The following CNTN3 variants were observed in gnomAD, a reference collection of about 807,000 sequenced individuals.
The protein encoded by CNTN3 is contactin-3.
A neutral mutation model predicts 119.1 loss-of-function variants in CNTN3; 60 were observed. That is an observed-to-expected ratio of 0.50 (90% CI 0.41 to 0.62). The LOEUF (loss-of-function observed/expected upper bound fraction) is 0.62, where lower values mean the gene tolerates loss of function less well. Ranked by LOEUF, CNTN3 falls within the 20% of genes least tolerant of loss-of-function variation. The pLI is 0.00. For missense variants in CNTN3, 1,101 were observed against 1,242.4 expected, an observed-to-expected ratio of 0.89 and a Z score of 1.71; for synonymous variants, 450 against 438.7, an observed-to-expected ratio of 1.03 and a Z score of -0.32.
chr3:74,376,553 G>C (rs1197037447), intron 5 of CNTN3, among the ~76,000 whole-genome samples: 1 of 152,124 alleles, frequency 6.6e-6, no homozygotes, highest in African/African-American at 2.4e-5. Flanking sequence ...TCCAGTTGCA[G>C]GAAAACAAGC....
At chr3:74,586,832 T>C (rs572380324) in intron 1 of CNTN3, among the ~76,000 whole-genome samples, 1 of 152,126 alleles carries the variant, frequency 6.6e-6, no homozygotes, top group Non-Finnish European at 1.5e-5. Context: ...ACCCAGAACA[T>C]ACCAAAAAAA....
chr3:74,363,523 C>A (rs1416035726), intron 10 of CNTN3, among the ~76,000 whole-genome samples: 2 of 152,114 alleles, frequency 1.3e-5, no homozygotes, highest in Admixed American at 6.6e-5. Flanking sequence ...TTGAGAAACA[C>A]TGACTTAAAT....
In CNTN3 at chr3:74,512,301, G is replaced by A. The variant is rs184015173; in HGVS notation, c.55+8757C>T. 8.3e-4 allele frequency among the ~76,000 whole-genome samples: 126 copies of A among 152,196 alleles called. 2 individuals carry two copies. Among genetic ancestry groups the A allele is most frequent in the African/African-American group, 2.8e-3 (116 of 41,544 alleles). On this transcript the variant is annotated intron_variant, in intron 2 of 22. Transcript: ENST00000263665. ...TGGAATTGTCGTTATCTTCATGGTA[G>A]TTGTGAATACTGGTACCTGTGTTCA...
chr3:74,490,478 T>G (rs1207224683), intron 3 of CNTN3, among the ~76,000 whole-genome samples: 1 of 152,118 alleles, frequency 6.6e-6, no homozygotes, highest in Non-Finnish European at 1.5e-5. Context: ...TGAAGAATAA[T>G]CAAGGTACAG....
chr3:74,605,693 G>C (rs906878542), intron 1 of CNTN3, among the ~76,000 whole-genome samples: 8 of 144,694 alleles, frequency 5.5e-5, no homozygotes, highest in Non-Finnish European at 1.1e-4. Context: ...TGTGTGACCT[G>C]TGTTTCTCAA....
intron 5 of CNTN3, among the ~76,000 whole-genome samples, chr3:74,374,438 T>C (rs747854028): frequency 2.0e-5 from 3 of 152,118 alleles, no homozygotes; most frequent in Non-Finnish European, 2.9e-5. Context: ...TCCTCCCTGT[T>C]GAATTCTGAA....
chr3:74,274,407 C>A (rs1025848606), intron 20 of CNTN3, among the ~76,000 whole-genome samples: 4 of 152,118 alleles, frequency 2.6e-5, no homozygotes, highest in African/African-American at 9.7e-5. Flanking sequence ...CATTTCACAG[C>A]CCCGCCACCT....
rs937327838 is a variant in CNTN3, at chr3:74,450,159, A to C, written c.359-25219T>G. Among the ~76,000 whole-genome samples the C allele has an allele frequency of 2.4e-4, 37 of 152,154 alleles. 1 individual carries two copies. Among genetic ancestry groups the C allele is most frequent in the African/African-American group, 8.4e-4 (35 of 41,464 alleles). On this transcript the variant is annotated intron_variant, in intron 4 of 22. Transcript: ENST00000263665. Reference sequence around the variant, plus strand: ...CAATAAATGGTAGCTATATTTCTTTAGTAGGAAAGAATTTATATTCTGCAT... The same window carrying C: ...CAATAAATGGTAGCTATATTTCTTTCGTAGGAAAGAATTTATATTCTGCAT...
Position 74,301,436 on chromosome 3 carries a change from G to A in CNTN3, c.2057C>T (p.Pro686Leu). 1.9e-6 allele frequency: 3 copies of A among 1,613,902 alleles called. No individual in the cohort carries two copies. Among genetic ancestry groups the A allele is most frequent in the Non-Finnish European group, 8.5e-7 (1 of 1,179,946 alleles). The change falls in exon 16 of 23, where the codon CCA becomes CTA. Residue 686 changes from proline to leucine, a missense_variant. Physicochemically the swap from Pro to Leu is moderately conservative, Grantham distance 98 (BLOSUM62 -3). Coordinates refer to ENST00000263665, the MANE Select transcript of CNTN3 (RefSeq NM_020872.3). ...VASNKIGGGEPSLPSEKVRTE... is the reference protein window; with the variant it reads ...VASNKIGGGELSLPSEKVRTE... ...TCTTACTTTTTCTGAGGGTAAACTTGGTTCTCCACCTCCAATTTTGTTACT... is the reference window on the plus strand; with the variant it reads ...TCTTACTTTTTCTGAGGGTAAACTTAGTTCTCCACCTCCAATTTTGTTACT...
At chr3:74,394,468 G>A (rs76230740) in intron 5 of CNTN3, among the ~76,000 whole-genome samples, 2,574 of 152,188 alleles carry the variant, frequency 0.017, 65 homozygotes, top group African/African-American at 0.059. Context: ...CATCAAGGGT[G>A]TACATTTTAT....
At chr3:74,550,142 A>G (rs1378751108) in intron 1 of CNTN3, among the ~76,000 whole-genome samples, 1 of 152,192 alleles carries the variant, frequency 6.6e-6, no homozygotes, top group Non-Finnish European at 1.5e-5. Context: ...CTAGCTGCAC[A>G]TGTGGGTTCA....
intron 2 of CNTN3, among the ~76,000 whole-genome samples, chr3:74,510,831 A>T (rs906504739): frequency 6.6e-6 from 1 of 152,140 alleles, no homozygotes; most frequent in African/African-American, 2.4e-5. Context: ...TAAATCTTCC[A>T]AAGTTAGGAT....
intron 4 of CNTN3, among the ~76,000 whole-genome samples, chr3:74,431,794 T>C (rs189821347): frequency 2.0e-4 from 30 of 152,250 alleles, no homozygotes; most frequent in African/African-American, 7.2e-4. Flanking sequence ...GCTGACTAAA[T>C]GGTCTCAACA....
intron 1 of CNTN3, among the ~76,000 whole-genome samples, chr3:74,570,497 GA>G (rs34446548): frequency 4.2e-5 from 6 of 143,414 alleles, no homozygotes; most frequent in Admixed American, 1.4e-4. Context: ...TTAAATGCGG[GA>G]AAAAAAAATC....
chr3:74,322,776 G>A (rs761980738), intron 13 of CNTN3, among the ~76,000 whole-genome samples: 70 of 152,086 alleles, frequency 4.6e-4, no homozygotes, highest in African/African-American at 1.4e-3. Context: ...ATAAATAAAC[G>A]GTGATACATC....
intron 10 of CNTN3, among the ~76,000 whole-genome samples, chr3:74,363,673 G>A (rs1389830925): frequency 6.6e-6 from 1 of 152,060 alleles, no homozygotes; most frequent in East Asian, 1.9e-4. Context: ...TTCTTCCACT[G>A]GAATGACTGT....
chr3:74,269,772 T>C (rs1186077383), intron 20 of CNTN3, among the ~76,000 whole-genome samples: 1 of 152,036 alleles, frequency 6.6e-6, no homozygotes, highest in Non-Finnish European at 1.5e-5. Context: ...CAAAGACAAA[T>C]ACTTTATAAT....
At chr3:74,470,665 T>G (rs7618040) in intron 4 of CNTN3, among the ~76,000 whole-genome samples, 23,150 of 152,032 alleles carry the variant, frequency 0.15, 2,033 homozygotes, top group East Asian at 0.46. Context: ...CTAGGTGGAA[T>G]AGAAACTTTT....
intron 13 of CNTN3, among the ~76,000 whole-genome samples, chr3:74,329,152 C>T (rs1170015889): frequency 6.6e-6 from 1 of 152,042 alleles, no homozygotes; most frequent in African/African-American, 2.4e-5. Flanking sequence ...CACAAAGGAT[C>T]AATTTCAAAG....
Sources: allele counts gnomAD v4.1 joint callset (sites outside exome capture counted in the v4.1 genomes callset), GRCh38; gene constraint gnomAD v4.1.1; transcripts MANE v1.5; gene names NCBI Gene and HGNC (gene_info 2026-07-23, HGNC 2026-07-21).